The following KLHDC8A variants were observed in gnomAD, a reference collection of about 807,000 sequenced individuals.
KLHDC8A encodes kelch domain containing 8A.
KLHDC8A carries 21 observed loss-of-function variants against 33.1 expected under a neutral mutation model. The observed-to-expected ratio is 0.64, with a 90% confidence interval of 0.45 to 0.91. The LOEUF (loss-of-function observed/expected upper bound fraction) is 0.91, where lower values mean the gene tolerates loss of function less well. Among genes scored for constraint, KLHDC8A ranks in the 40% least tolerant of loss-of-function variants. The pLI is 0.00. For missense variants in KLHDC8A, 435 were observed against 483.3 expected (o/e 0.90, Z 0.94); for synonymous variants, 173 against 193.5 (o/e 0.89, Z 0.88).
intron 1 of KLHDC8A, chr1:205,344,490 A>T (rs1256097223): frequency 1.3e-5 from 2 of 152,338 alleles, no homozygotes; most frequent in African/African-American, 4.8e-5. Context: ...AGGGCACTAG[A>T]ACCAAGCACC....
chr1:205,351,116 C>T (rs986189544), intron 1 of KLHDC8A: 1 of 637,724 alleles, frequency 1.6e-6, no homozygotes, highest in Non-Finnish European at 2.9e-6. Context: ...AGGGTCCACT[C>T]CCCGAAGATT....
At position 205,336,498 on chromosome 1, in the gene KLHDC8A, A is replaced by ACACCAGGG. The variant is rs1662636105; in HGVS notation, c.*893_*900dup. On this transcript the variant is annotated 3_prime_UTR_variant, in exon 6 of 6. Coordinates refer to ENST00000367155, the MANE Select transcript of KLHDC8A (RefSeq NM_018203.3). Reference sequence around the variant, plus strand: ...CAAGACACCCTTCCGCCCCATCCCCACACCAGGGTGCTAGAGAAGATAGGA... The same window carrying ACACCAGGG: ...CAAGACACCCTTCCGCCCCATCCCCACACCAGGGCACCAGGGTGCTAGAGAAGATAGGA... 6.6e-6 allele frequency: 1 copy of ACACCAGGG among 152,624 alleles called. No homozygotes were observed. Among genetic ancestry groups the ACACCAGGG allele is most frequent in the Non-Finnish European group, 1.5e-5 (1 of 68,060 alleles). The allele number at this position is 152,624 out of a possible 1,614,324, so 9.5% of individuals were successfully genotyped here. A position where few individuals can be genotyped will look rare whatever the true frequency, so the allele number is the denominator to read the frequency against.
chr1:205,336,468 C>G lies in KLHDC8A; in HGVS notation c.*931G>C, dbSNP rs1016811698. The G allele has an allele frequency of 2.0e-5, 3 of 152,636 alleles. No homozygotes were observed. The highest frequency in any genetic ancestry group is 4.4e-5 in the Non-Finnish European group (3 of 68,098). 9.5% of individuals were successfully genotyped at this position (152,636 alleles called of 1,614,324 possible). ...GGATTGTTTTATGGGGTCCTCCCTG[C>G]CCCTCAAGACACCCTTCCGCCCCAT... On this transcript the variant is annotated 3_prime_UTR_variant, in exon 6 of 6. Coordinates refer to ENST00000367155, the MANE Select transcript of KLHDC8A (RefSeq NM_018203.3).
intron 4 of KLHDC8A, among the ~76,000 whole-genome samples, 185 bp from the exon 5 acceptor site, chr1:205,338,781 C>T (rs1161253553): frequency 2.0e-5 from 3 of 152,090 alleles, no homozygotes; most frequent in Admixed American, 6.5e-5. Context: ...CCCCCTCTCC[C>T]ATGCTTGCTG....
Position 205,339,257 on chromosome 1 carries a change from G to T in KLHDC8A, c.694C>A (p.Gln232Lys), listed in dbSNP as rs1662721321. 1 of 1,614,094 alleles carries T rather than the reference G, an allele frequency of 6.2e-7. No homozygotes were observed. The highest frequency in any genetic ancestry group is 8.5e-7 in the Non-Finnish European group (1 of 1,180,038). ...TTGGGCTGCCGGTAGAGGCGACCTT[G>T]CCGCAGGCCTCCTAGGCTGTACAAG... The part of the protein sequence containing the change: ...NHLYSLGGLR[Q>K]GRLYRQPKFL... The change falls in exon 4 of 6, where the codon CAA (glutamine) becomes AAA (lysine). Residue 232 changes from glutamine (Q) to lysine (K), a missense_variant. By Grantham distance (53) the Gln-to-Lys change is moderately conservative. Coordinates refer to ENST00000367155, the MANE Select transcript of KLHDC8A (RefSeq NM_018203.3). This position sits in a 1 kb window ranked among gnomAD's most constrained non-coding sequence, Gnocchi z 5.1.
intron 1 of KLHDC8A, among the ~76,000 whole-genome samples, chr1:205,346,033 C>T (rs1280880795): frequency 3.3e-5 from 5 of 152,214 alleles, no homozygotes; most frequent in Non-Finnish European, 7.3e-5. Context: ...GAGATTGCAC[C>T]ATTGCACTCC....
At position 205,339,094 on chromosome 1, in the gene KLHDC8A, AAAC is replaced by A; in HGVS notation, c.757+97_757+99del. The A allele has an allele frequency of 2.1e-6, 2 of 971,810 alleles. No individual in the cohort carries two copies. Among genetic ancestry groups the A allele is most frequent in the Non-Finnish European group, 3.1e-6 (2 of 642,314 alleles). 60.2% of individuals were successfully genotyped at this position (971,810 alleles called of 1,614,324 possible). ...TTCTGAGAAGCTTGCCCAGCTGGGTAAACGGCCCTGGAAGATGGCTGGAATAGG... is the reference window on the plus strand; with the variant it reads ...TTCTGAGAAGCTTGCCCAGCTGGGTAGGCCCTGGAAGATGGCTGGAATAGG... On this transcript the variant is annotated intron_variant, in intron 4 of 5. Coordinates refer to ENST00000367155, the MANE Select transcript of KLHDC8A (RefSeq NM_018203.3). The surrounding 1 kb of genome is among the most constrained non-coding windows in gnomAD (Gnocchi z 5.1).
At position 205,337,460 on chromosome 1, in the gene KLHDC8A, A is replaced by C. The variant is rs1238230128; in HGVS notation, c.992T>G (p.Val331Gly). The C allele has an allele frequency of 1.2e-6, 2 of 1,613,960 alleles. No homozygotes were observed. ...ACTCAGACCCTGGTTGACACCTCCC[A>C]CGGCGAGGAGGCAGTTCTTGACGAC... ...SIVVKNCLLA[V>G]GGVNQGLSDA... The change falls in exon 6 of 6, where the codon GTG (valine) becomes GGG (glycine). Residue 331 changes from valine to glycine, a missense_variant. Transcript: ENST00000367155.
Position 205,337,421 on chromosome 1 carries a change from G to A in KLHDC8A, c.1031C>T (p.Ala344Val). Residue 344 changes from alanine (A) to valine (V), a missense_variant, in exon 6 of 6, where the codon GCC becomes GTC. Ala to Val is a moderately conservative substitution (Grantham distance 64). Transcript: ENST00000367155. Reference protein sequence around the residue: ...VNQGLSDAVEALCVSDS With the variant: ...VNQGLSDAVEVLCVSDS ...CAGCTAGGAGTCAGAGACACACAGG[G>A]CCTCCACTGCGTCACTCAGACCCTG... 1 of 1,613,290 alleles carries A rather than the reference G, an allele frequency of 6.2e-7. No individual in the cohort carries two copies. The highest frequency in any genetic ancestry group is 8.5e-7 in the Non-Finnish European group (1 of 1,179,862).
At chr1:205,345,366 C>T (rs1303435639) in intron 1 of KLHDC8A, among the ~76,000 whole-genome samples, 1 of 152,218 alleles carries the variant, frequency 6.6e-6, no homozygotes, top group Non-Finnish European at 1.5e-5. Flanking sequence ...TACCCAGTTT[C>T]TCCCAATGGC....
intron 1 of KLHDC8A, among the ~76,000 whole-genome samples, chr1:205,354,607 G>A (rs1436498972): frequency 1.3e-5 from 2 of 152,202 alleles, no homozygotes; most frequent in African/African-American, 4.8e-5. Flanking sequence ...GGAAGCTGCT[G>A]GGGGTAGGGT....
chr1:205,351,994 G>T (rs1330486553), intron 1 of KLHDC8A, among the ~76,000 whole-genome samples: 1 of 152,082 alleles, frequency 6.6e-6, no homozygotes, highest in Non-Finnish European at 1.5e-5. Flanking sequence ...AATTTTGTCT[G>T]ACTCTGACAT....
chr1:205,350,959 C>T (rs1053650306), intron 1 of KLHDC8A, among the ~76,000 whole-genome samples: 4 of 152,212 alleles, frequency 2.6e-5, no homozygotes, highest in African/African-American at 9.6e-5. Context: ...TGGGGCTCTG[C>T]AGGCCTAGAG....
Position 205,339,195 on chromosome 1 carries a change from C to T in KLHDC8A, c.756G>A (p.Gln252=). 1 of 1,613,540 alleles carries T rather than the reference C, an allele frequency of 6.2e-7. No individual in the cohort carries two copies. The highest frequency in any genetic ancestry group is 1.1e-5 in the South Asian group (1 of 91,054). The change falls in exon 4 of 6, where the codon CAG becomes CAA. Residue 252 remains glutamine, a splice_region_variant and synonymous_variant. Coordinates refer to ENST00000367155, the MANE Select transcript of KLHDC8A (RefSeq NM_018203.3). The surrounding 1 kb of genome is among the most constrained non-coding windows in gnomAD (Gnocchi z 5.1). ...LRTMDVFDME[Q]GGWLKMERSF... ...TCCTGGGGAAGGTGACCAGCTCACC[C>T]TGTTCCATGTCGAACACGTCCATCG... is the stretch of plus-strand genomic sequence containing the variant.
intron 1 of KLHDC8A, among the ~76,000 whole-genome samples, chr1:205,349,622 C>G (rs941195800): frequency 1.3e-5 from 2 of 152,154 alleles, no homozygotes; most frequent in Admixed American, 1.3e-4. Flanking sequence ...AGCTACTTCC[C>G]TGTGCTTACT....
intron 1 of KLHDC8A, among the ~76,000 whole-genome samples, chr1:205,350,555 TGGGG>T (rs1345814824): frequency 6.6e-6 from 1 of 152,136 alleles, no homozygotes; most frequent in African/African-American, 2.4e-5. Flanking sequence ...GGCTATAGGC[TGGGG>T]AAGGCTGCAG....
chr1:205,343,626 G>A lies in KLHDC8A; in HGVS notation c.-22C>T. The A allele has an allele frequency of 6.5e-7, 1 of 1,545,844 alleles. No individual in the cohort carries two copies. The highest frequency in any genetic ancestry group is 8.7e-7 in the Non-Finnish European group (1 of 1,144,300). On this transcript the variant is annotated 5_prime_UTR_variant, in exon 2 of 6. Coordinates refer to ENST00000367155, the MANE Select transcript of KLHDC8A (RefSeq NM_018203.3). ...CCATGGCAGCCTTGGGGAGCGCCCG[G>A]GCGCCGGGAGAGGTGCGAGCGCGGG...
In KLHDC8A at chr1:205,337,479, TGAC is replaced by T; in HGVS notation, c.970_972del (p.Val324del). 1 of 1,614,060 alleles carries T rather than the reference TGAC, an allele frequency of 6.2e-7. No individual in the cohort carries two copies. ...CCTCCCACGGCGAGGAGGCAGTTCTTGACGACTATGCTGGAGCAGGCACAGCGG... is the reference window on the plus strand; with the variant it reads ...CCTCCCACGGCGAGGAGGCAGTTCTTGACTATGCTGGAGCAGGCACAGCGG... On this transcript the variant is annotated inframe_deletion, in exon 6 of 6. Coordinates refer to ENST00000367155, the MANE Select transcript of KLHDC8A (RefSeq NM_018203.3).
chr1:205,352,725 C>A (rs778361731), intron 1 of KLHDC8A, among the ~76,000 whole-genome samples: 5 of 152,194 alleles, frequency 3.3e-5, no homozygotes, highest in Non-Finnish European at 7.3e-5. Flanking sequence ...ACTCGGCACT[C>A]CTGGGGCAGG....
Sources: gnomAD v4.1 joint callset for allele counts (sites outside exome capture counted in the v4.1 genomes callset) on GRCh38, gnomAD v4.1.1 for gene constraint, Gnocchi (gnomAD v3.1) non-coding constraint, MANE v1.5 for transcripts, NCBI Gene and HGNC (gene_info 2026-07-23, HGNC 2026-07-21) for gene names.